The following SUMF2 variants were observed in gnomAD, a reference collection of about 807,000 sequenced individuals.
The protein encoded by SUMF2 is sulfatase modifying factor 2, also known as inactive C-alpha-formylglycine-generating enzyme 2.
SUMF2 carries 45 observed loss-of-function variants against 44.8 expected under a neutral mutation model. The observed-to-expected ratio is 1.00, with a 90% CI of 0.79 to 1.29. The LOEUF (loss-of-function observed/expected upper bound fraction) is 1.29. Ranked by LOEUF, SUMF2 falls within the 50% of genes most tolerant of loss-of-function variation. The pLI is 0.00. For synonymous variants in SUMF2, 148 were observed against 150.4 expected, an observed-to-expected ratio of 0.98 and a Z score of 0.12; for missense variants, 418 against 389.9, an observed-to-expected ratio of 1.07 and a Z score of -0.61.
chr7:56,075,571 C>T (rs985308465), intron 5 of SUMF2, among the ~76,000 whole-genome samples: 1 of 150,804 alleles, frequency 6.6e-6, no homozygotes, highest in African/African-American at 2.4e-5. Flanking sequence ...TGGTGGCGGG[C>T]GCCTGTAGTC....
chr7:56,083,193 G>C, downstream of SUMF2: 1 of 1,216,428 alleles, frequency 8.2e-7, no homozygotes, highest in Non-Finnish European at 1.2e-6. Flanking sequence ...ATTAAGTTAG[G>C]GGAGAAACCC....
rs753844248 is a variant in SUMF2, at chr7:56,079,553, T to C, written c.847T>C (p.Ser283Pro). Reference protein sequence around the residue: ...TRMGNTPDSASDNLGFRCAAD... With the variant: ...TRMGNTPDSAPDNLGFRCAAD... ...GATGGGCAACACTCCAGATTCAGCCTCAGACAACCTCGGTTTCCGCTGTGC... is the reference window on the plus strand; with the variant it reads ...GATGGGCAACACTCCAGATTCAGCCCCAGACAACCTCGGTTTCCGCTGTGC... The change falls in exon 9 of 9, where the codon TCA becomes CCA. Residue 283 changes from serine to proline, a missense_variant. Ser to Pro is a moderately conservative substitution (Grantham distance 74). Transcript: ENST00000434526. 1 of 1,613,734 alleles carries C rather than the reference T, an allele frequency of 6.2e-7. No individual in the cohort carries two copies. Among genetic ancestry groups the C allele is most frequent in the Non-Finnish European group, 8.5e-7 (1 of 1,179,790 alleles).
chr7:56,068,696 CTTTCT>C, intron 2 of SUMF2, 58 bp downstream of exon 2: 1 of 1,481,046 alleles, frequency 6.8e-7, no homozygotes, highest in Non-Finnish European at 9.0e-7. Context: ...ATTCTTTTTT[CTTTCT>C]TTTTTTTTTT....
intron 1 of SUMF2, among the ~76,000 whole-genome samples, chr7:56,065,332 G>C (rs1794712724): frequency 6.6e-6 from 1 of 152,098 alleles, no homozygotes; most frequent in Non-Finnish European, 1.5e-5. Context: ...CTCTCCTGGA[G>C]CCATTTGGAA....
chr7:56,082,067 G>A, downstream of SUMF2: 2 of 1,610,126 alleles, frequency 1.2e-6, no homozygotes, highest in Non-Finnish European at 1.7e-6. Flanking sequence ...GAGGGCCCAG[G>A]GCCACTTACC....
intron 6 of SUMF2, among the ~76,000 whole-genome samples, chr7:56,077,665 G>A (rs1795655705): frequency 6.6e-6 from 1 of 151,424 alleles, no homozygotes; most frequent in African/African-American, 2.4e-5. Flanking sequence ...AAAAAAAAGT[G>A]AATAAAAAAT....
chr7:56,079,818 G>A lies in SUMF2; in HGVS notation c.*206G>A. 2 of 1,552,358 alleles carry A rather than the reference G, an allele frequency of 1.3e-6. No individual in the cohort carries two copies. Among genetic ancestry groups the A allele is most frequent in the Non-Finnish European group, 8.7e-7 (1 of 1,147,162 alleles). On this transcript the variant is annotated 3_prime_UTR_variant, in exon 9 of 9. Coordinates refer to ENST00000434526, the MANE Select transcript of SUMF2 (RefSeq NM_015411.4). Reference sequence around the variant, plus strand: ...GTGTTTTGGAGAAGGGGCCCAATGTGTGTTGACGATGGCTGGGGGCCAGGT... The same window carrying A: ...GTGTTTTGGAGAAGGGGCCCAATGTATGTTGACGATGGCTGGGGGCCAGGT...
chr7:56,076,962 C>G, intron 6 of SUMF2, 73 bp downstream of exon 6: 1 of 1,453,072 alleles, frequency 6.9e-7, no homozygotes, highest in Non-Finnish European at 9.4e-7. Flanking sequence ...TGTTGTTAGG[C>G]CGCGGCATCC....
At chr7:56,087,811 C>G in the SUMF2 span, 1 of 1,581,138 alleles carries the variant, frequency 6.3e-7, no homozygotes, top group Admixed American at 1.7e-5. Context: ...CTCGGGGGGC[C>G]CCTCACCCCA....
At chr7:56,071,799 A>T (rs1425371754) in intron 2 of SUMF2, among the ~76,000 whole-genome samples, 2 of 148,986 alleles carry the variant, frequency 1.3e-5, no homozygotes, top group Non-Finnish European at 1.5e-5. Context: ...TAAATAAATA[A>T]ATAAATAAAT....
At chr7:56,081,333 C>T (rs1408252929), downstream of SUMF2, 3 of 1,575,430 alleles carry the variant, frequency 1.9e-6, no homozygotes, top group Non-Finnish European at 2.6e-6. The surrounding 1 kb of genome is among the most constrained non-coding windows in gnomAD (Gnocchi z 4.6). Flanking sequence ...GGGCTGCAGC[C>T]CCCGCCCTGC....
At chr7:56,084,370 A>ATT (rs534790677), downstream of SUMF2, 3,166 of 405,946 alleles carry the variant, frequency 7.8e-3, no homozygotes, top group East Asian at 9.8e-3. Context: ...GAGTATCCCG[A>ATT]TTTTTTTTTT....
At chr7:56,082,623 A>G (rs1332135275), downstream of SUMF2, among the ~76,000 whole-genome samples, 2 of 151,986 alleles carry the variant, frequency 1.3e-5, no homozygotes, top group Non-Finnish European at 2.9e-5. Context: ...CAAAGAGACA[A>G]TGGAGATGAT....
At chr7:56,065,986 C>T (rs1311941124) in intron 1 of SUMF2, among the ~76,000 whole-genome samples, 3 of 141,488 alleles carry the variant, frequency 2.1e-5, no homozygotes, top group Non-Finnish European at 3.0e-5. Flanking sequence ...GAGGCTGAGG[C>T]GGGAGAATCG....
At chr7:56,081,932 C>A (rs547904081), downstream of SUMF2, 1 of 1,613,538 alleles carries the variant, frequency 6.2e-7, no homozygotes, top group Non-Finnish European at 8.5e-7. This position sits in a 1 kb window ranked among gnomAD's most constrained non-coding sequence, Gnocchi z 4.6. Context: ...CCCACTCGGG[C>A]GAGCCAAACT....
At position 56,080,325 on chromosome 7, in the gene SUMF2, G is replaced by A. The variant is rs1207441463; in HGVS notation, c.*713G>A. 1 of 152,716 alleles carries A rather than the reference G, an allele frequency of 6.5e-6. No homozygotes were observed. The highest frequency in any genetic ancestry group is 1.4e-5 in the Non-Finnish European group (1 of 71,756). 9.5% of individuals were successfully genotyped at this position (152,716 alleles called of 1,614,324 possible). On this transcript the variant is annotated 3_prime_UTR_variant, in exon 9 of 9. Coordinates refer to ENST00000434526, the MANE Select transcript of SUMF2 (RefSeq NM_015411.4). ...CTGTTGCCCAGGCTAGAGTGCACTG[G>A]TGATCACGGCTCACTCTAGCCTTGA...
At chr7:56,075,153 T>G (rs1795452855) in intron 5 of SUMF2, among the ~76,000 whole-genome samples, 1 of 151,236 alleles carries the variant, frequency 6.6e-6, no homozygotes, top group Non-Finnish European at 1.5e-5. Flanking sequence ...AGAGCAGTGC[T>G]TCTTAAGCTA....
At chr7:56,084,443 G>A (rs1331721644), downstream of SUMF2, among the ~76,000 whole-genome samples, 2 of 146,656 alleles carry the variant, frequency 1.4e-5, no homozygotes, top group African/African-American at 5.1e-5. Flanking sequence ...ATGCAATCTC[G>A]GCTCACTGCA....
intron 5 of SUMF2, among the ~76,000 whole-genome samples, chr7:56,076,247 C>T (rs958440294): frequency 9.9e-5 from 15 of 152,156 alleles, no homozygotes; most frequent in African/African-American, 2.9e-4. Flanking sequence ...AGGATGATCT[C>T]GATCTCCTGA....
Sources: gnomAD v4.1 joint callset for allele counts (sites outside exome capture counted in the v4.1 genomes callset) on GRCh38, gnomAD v4.1.1 for gene constraint, Gnocchi (gnomAD v3.1) non-coding constraint, MANE v1.5 for transcripts, NCBI Gene and HGNC (gene_info 2026-07-23, HGNC 2026-07-21) for gene names.